The following NSUN6 variants were observed in gnomAD, a reference collection of about 807,000 sequenced individuals.
NSUN6 encodes the protein tRNA (cytosine(72)-C(5))-methyltransferase NSUN6.
In NSUN6, 64 loss-of-function variants were observed where a neutral mutation model predicts 58.0. The ratio of observed to expected loss-of-function variants is 1.10; its 90% confidence interval spans 0.90 to 1.36. NSUN6 has a LOEUF of 1.36. Ranked by LOEUF, NSUN6 falls within the 40% of genes most tolerant of loss-of-function variation. The probability of loss-of-function intolerance (pLI) is 0.00; values close to 1 mark genes in which losing one functional copy is unlikely to be tolerated. For synonymous variants in NSUN6, 231 were observed against 193.9 expected, an observed-to-expected ratio of 1.19 and a Z score of -1.59; for missense variants, 701 against 550.1, an observed-to-expected ratio of 1.27 and a Z score of -2.74.
intron 3 of NSUN6, among the ~76,000 whole-genome samples, chr10:18,632,082 G>A (rs1439130701): frequency 6.6e-6 from 1 of 150,392 alleles, no homozygotes; most frequent in Non-Finnish European, 1.5e-5. Context: ...ACAGAACAGA[G>A]CCCTCAGAAA....
At position 18,581,631 on chromosome 10, in the gene NSUN6, C is replaced by T. The variant is rs1485441490; in HGVS notation, c.922+4318G>A. 2.6e-5 allele frequency among the ~76,000 whole-genome samples: 4 copies of T among 152,240 alleles called. No individual in the cohort carries two copies. In the South Asian group the frequency reaches 8.3e-4, roughly 32 times the overall value. ...CACAAGGTCAAGAGATCGAGATCAT[C>T]GTGGCCAACATGGTGAAACCCCGTC... On this transcript the variant is annotated intron_variant, in intron 8 of 10. Transcript: ENST00000377304.
At chr10:18,603,633 C>G (rs920208263) in intron 6 of NSUN6, among the ~76,000 whole-genome samples, 1 of 151,818 alleles carries the variant, frequency 6.6e-6, no homozygotes, top group African/African-American at 2.4e-5. Context: ...CCATGCCCAG[C>G]TGATTTTGTG....
At chr10:18,621,930 C>A (rs1432911980) in intron 3 of NSUN6, among the ~76,000 whole-genome samples, 1 of 152,148 alleles carries the variant, frequency 6.6e-6, no homozygotes, top group Non-Finnish European at 1.5e-5. Flanking sequence ...TACTTCTTTG[C>A]AGCAGGACTG....
At chr10:18,627,691 G>A (rs756155928) in intron 3 of NSUN6, among the ~76,000 whole-genome samples, 4 of 152,234 alleles carry the variant, frequency 2.6e-5, no homozygotes, top group Non-Finnish European at 5.9e-5. Context: ...CCCCAATACC[G>A]CGCTTTTCCG....
chr10:18,656,236 T>C (rs1229868640), upstream of NSUN6, among the ~76,000 whole-genome samples: 1 of 152,066 alleles, frequency 6.6e-6, no homozygotes, highest in Admixed American at 6.6e-5. Context: ...TAAACTAAAA[T>C]CACAATGGGC....
chr10:18,653,111 A>G, upstream of NSUN6: 2 of 985,106 alleles, frequency 2.0e-6, no homozygotes, highest in Non-Finnish European at 2.4e-6. Flanking sequence ...TGACCATAGC[A>G]CCACTGATGG....
intron 8 of NSUN6, among the ~76,000 whole-genome samples, chr10:18,585,437 G>T (rs1589959982): frequency 6.6e-6 from 1 of 151,814 alleles, no homozygotes; most frequent in South Asian, 2.1e-4. Context: ...AAGAAAATGT[G>T]GTACATACAC....
chr10:18,643,393 C>A (rs2059446260), intron 2 of NSUN6, among the ~76,000 whole-genome samples: 1 of 151,972 alleles, frequency 6.6e-6, no homozygotes, highest in South Asian at 2.1e-4. Flanking sequence ...TAGGGTTTAT[C>A]AACTCCATTT....
intron 3 of NSUN6, among the ~76,000 whole-genome samples, chr10:18,625,524 C>G (rs1021682848): frequency 6.6e-6 from 1 of 151,648 alleles, no homozygotes; most frequent in Non-Finnish European, 1.5e-5. Context: ...ACCAGCCTGA[C>G]CAACATGGTA....
chr10:18,651,008 T>G, intron 1 of NSUN6, 121 bp downstream of exon 1: 1 of 1,133,030 alleles, frequency 8.8e-7, no homozygotes, highest in Non-Finnish European at 1.2e-6. Flanking sequence ...TTACACTTGA[T>G]AGACAAGTAG....
intron 3 of NSUN6, among the ~76,000 whole-genome samples, chr10:18,620,995 T>C (rs573569619): frequency 1.3e-5 from 2 of 152,378 alleles, no homozygotes; most frequent in Admixed American, 1.3e-4. Context: ...TGATCTGTTA[T>C]CTTTGAAAAG....
At chr10:18,567,473 T>C (rs1326959241) in intron 8 of NSUN6, among the ~76,000 whole-genome samples, 1 of 150,660 alleles carries the variant, frequency 6.6e-6, no homozygotes, top group Non-Finnish European at 1.5e-5. Context: ...CCATTCTCCA[T>C]ACCATCCTCC....
At chr10:18,620,757 G>C (rs568396588) in intron 3 of NSUN6, among the ~76,000 whole-genome samples, 6 of 152,236 alleles carry the variant, frequency 3.9e-5, no homozygotes, top group African/African-American at 1.4e-4. Flanking sequence ...TACTTCTACT[G>C]TGACTATCAT....
intron 6 of NSUN6, among the ~76,000 whole-genome samples, chr10:18,606,405 A>G (rs1265031842): frequency 3.3e-5 from 5 of 152,246 alleles, no homozygotes; most frequent in African/African-American, 1.2e-4. Context: ...ATCGCAGGCC[A>G]GAAGAGACAT....
chr10:18,583,703 A>T (rs1021795512), intron 8 of NSUN6, among the ~76,000 whole-genome samples: 1 of 152,182 alleles, frequency 6.6e-6, no homozygotes, highest in Non-Finnish European at 1.5e-5. Context: ...TTAAAAAAGG[A>T]TATCAAGATG....
rs368497310 is a variant in NSUN6, at chr10:18,616,176, A to T, written c.421+8T>A. 121 of 1,404,470 alleles carry T rather than the reference A, an allele frequency of 8.6e-5. No homozygotes were observed. Among genetic ancestry groups the T allele is most frequent in the Non-Finnish European group, 1.2e-4 (119 of 992,348 alleles). 87.0% of individuals were successfully genotyped at this position (1,404,470 alleles called of 1,614,324 possible). A position where few individuals can be genotyped will look rare whatever the true frequency, so the allele number is the denominator to read the frequency against. On this transcript the variant is annotated splice_region_variant and intron_variant, in intron 4 of 10. Coordinates refer to ENST00000377304, the MANE Select transcript of NSUN6 (RefSeq NM_182543.5). The stretch of plus-strand genomic sequence containing the variant: ...AACCTTAAAGACAAATCTAAACATT[A>T]TACTTACATTGTGATGCTGACACAA...
chr10:18,624,730 T>C (rs2058730753), intron 3 of NSUN6, among the ~76,000 whole-genome samples: 2 of 126,822 alleles, frequency 1.6e-5, no homozygotes, highest in Non-Finnish European at 3.5e-5. Context: ...AAAAAAAAAT[T>C]AAAGTAACAG....
chr10:18,599,459 A>G (rs1286799131), intron 6 of NSUN6, among the ~76,000 whole-genome samples: 1 of 152,192 alleles, frequency 6.6e-6, no homozygotes, highest in Non-Finnish European at 1.5e-5. Context: ...TATGCAGTAT[A>G]ATCACCGGGT....
chr10:18,552,956 TTAC>T, intron 8 of NSUN6, among the ~76,000 whole-genome samples: 1 of 151,272 alleles, frequency 6.6e-6, no homozygotes, highest in Non-Finnish European at 1.5e-5. Flanking sequence ...CAATTCTCCA[TTAC>T]ATTCCATTCT....
Sources: gnomAD v4.1 joint callset for allele counts (sites outside exome capture counted in the v4.1 genomes callset) on GRCh38, gnomAD v4.1.1 for gene constraint, MANE v1.5 for transcripts, NCBI Gene and HGNC (gene_info 2026-07-23, HGNC 2026-07-21) for gene names.